Variants in STX8 observed in about 807,000 individuals in gnomAD.
STX8 encodes syntaxin-8.
Under a neutral mutation model 37.5 loss-of-function variants are expected in STX8, and 23 were observed. The observed-to-expected ratio is 0.61, with a 90% CI of 0.44 to 0.87. The LOEUF (loss-of-function observed/expected upper bound fraction) is 0.87. Ranked by LOEUF, STX8 falls within the 40% of genes least tolerant of loss-of-function variation. The pLI is 0.00. For synonymous variants in STX8, 115 were observed against 99.1 expected (o/e 1.16, Z -0.95); for missense variants, 313 against 284.7 (o/e 1.10, Z -0.71).
At chr17:9,530,153 C>CA (rs1216267247) in intron 4 of STX8, among the ~76,000 whole-genome samples, 3 of 151,404 alleles carry the variant, frequency 2.0e-5, no homozygotes, top group Non-Finnish European at 2.9e-5. Flanking sequence ...TAAAAAAATA[C>CA]AAAAAAAATT....
At chr17:9,479,006 G>A (rs370134206) in intron 6 of STX8, among the ~76,000 whole-genome samples, 8 of 152,096 alleles carry the variant, frequency 5.3e-5, no homozygotes, top group East Asian at 1.9e-4. Context: ...TCTCCCTCCC[G>A]ACACTAGAGT....
chr17:9,321,217 G>A (rs1909566119), intron 7 of STX8, among the ~76,000 whole-genome samples: 1 of 152,098 alleles, frequency 6.6e-6, no homozygotes, highest in South Asian at 2.1e-4. Context: ...GAAATCAATA[G>A]GTAATGTCTA....
intron 6 of STX8, among the ~76,000 whole-genome samples, chr17:9,466,784 A>C (rs537074407): frequency 2.8e-4 from 43 of 152,290 alleles, no homozygotes; most frequent in African/African-American, 9.9e-4. Flanking sequence ...ATCTCAATTC[A>C]ACCAACCTTC....
At chr17:9,362,352 A>G (rs1345182804) in intron 7 of STX8, among the ~76,000 whole-genome samples, 1 of 152,156 alleles carries the variant, frequency 6.6e-6, no homozygotes, top group African/African-American at 2.4e-5. Context: ...GTAATTAAAA[A>G]CAGCCCTAGA....
intron 5 of STX8, among the ~76,000 whole-genome samples, chr17:9,504,493 G>A (rs962246184): frequency 2.6e-5 from 4 of 152,082 alleles, no homozygotes; most frequent in Non-Finnish European, 4.4e-5. Flanking sequence ...AAATTTGCTT[G>A]GACTTAGATT....
intron 7 of STX8, among the ~76,000 whole-genome samples, chr17:9,275,001 T>G (rs1490410833): frequency 1.3e-5 from 2 of 152,052 alleles, no homozygotes; most frequent in Non-Finnish European, 2.9e-5. Context: ...TCCGCCCGCC[T>G]TGGCCTCCCA....
chr17:9,326,476 A>G (rs12939256), intron 7 of STX8, among the ~76,000 whole-genome samples: 23,694 of 151,978 alleles, frequency 0.16, 1,968 homozygotes, highest in Middle Eastern at 0.18. Context: ...TTGCTTTTCA[A>G]ATTACTCAGT....
chr17:9,343,611 G>A (rs1910443352), intron 7 of STX8, among the ~76,000 whole-genome samples: 1 of 152,122 alleles, frequency 6.6e-6, no homozygotes, highest in East Asian at 1.9e-4. Context: ...CCTGCCATCA[G>A]ATCAGGGAGG....
chr17:9,533,428 C>T (rs1299760138), intron 4 of STX8, among the ~76,000 whole-genome samples: 1 of 152,180 alleles, frequency 6.6e-6, no homozygotes, highest in Non-Finnish European at 1.5e-5. Context: ...GATCGTGCCA[C>T]TGCTCCAGCC....
chr17:9,322,698 T>C lies in STX8; in HGVS notation c.643+55854A>G, dbSNP rs187960312. 4.2e-4 allele frequency among the ~76,000 whole-genome samples: 64 copies of C among 151,914 alleles called. 1 individual carries two copies. In the East Asian group the frequency reaches 5.4e-3, roughly 13 times the overall value. On this transcript the variant is annotated intron_variant, in intron 7 of 7. Transcript: ENST00000306357. ...CCTTGTTTACGGCCTTAGTCTTATATTGTGAGCAGTGGAATGGACAGGCCA... is the reference window on the plus strand; with the variant it reads ...CCTTGTTTACGGCCTTAGTCTTATACTGTGAGCAGTGGAATGGACAGGCCA...
At chr17:9,564,811 A>G (rs374732305) in intron 2 of STX8, among the ~76,000 whole-genome samples, 267 of 152,372 alleles carry the variant, frequency 1.8e-3, no homozygotes, top group Non-Finnish European at 3.1e-3. Flanking sequence ...TGCCATTCCT[A>G]TTAAACTACC....
At chr17:9,317,748 A>C (rs978818310) in intron 7 of STX8, among the ~76,000 whole-genome samples, 5 of 150,842 alleles carry the variant, frequency 3.3e-5, no homozygotes, top group Non-Finnish European at 5.9e-5. Context: ...CCTGGGTGAC[A>C]GTGAGACTCT....
chr17:9,342,408 G>A (rs1485754305), intron 7 of STX8, among the ~76,000 whole-genome samples: 1 of 152,162 alleles, frequency 6.6e-6, no homozygotes, highest in East Asian at 1.9e-4. Context: ...TGATCCAGTG[G>A]GGGGCCCTTC....
intron 4 of STX8, among the ~76,000 whole-genome samples, chr17:9,511,387 A>C (rs1361837194): frequency 6.6e-6 from 1 of 152,174 alleles, no homozygotes; most frequent in African/African-American, 2.4e-5. Context: ...CCAACAATAC[A>C]TCAAAAAGAT....
At chr17:9,491,482 G>A (rs1443379789) in intron 6 of STX8, among the ~76,000 whole-genome samples, 1 of 152,164 alleles carries the variant, frequency 6.6e-6, no homozygotes, top group Non-Finnish European at 1.5e-5. Context: ...ACTCCACCGG[G>A]TGTGGGGATG....
At chr17:9,329,079 A>AAAAAAAAAAAT (rs1909877615) in intron 7 of STX8, among the ~76,000 whole-genome samples, 1 of 147,002 alleles carries the variant, frequency 6.8e-6, no homozygotes, top group African/African-American at 2.6e-5. Flanking sequence ...AAAAAAAAAA[A>AAAAAAAAAAAT]AAAAGATGGT....
intron 5 of STX8, among the ~76,000 whole-genome samples, chr17:9,502,302 G>GT (rs1904646330): frequency 1.3e-5 from 2 of 152,290 alleles, no homozygotes; most frequent in South Asian, 4.1e-4. Flanking sequence ...CAGCCCTGGG[G>GT]TTTGGGGGAG....
intron 7 of STX8, among the ~76,000 whole-genome samples, chr17:9,368,067 C>A (rs1911286099): frequency 6.6e-6 from 1 of 152,076 alleles, no homozygotes. Flanking sequence ...TTATCATAAT[C>A]TTGTAAAAAA....
At chr17:9,269,491 C>T (rs1383950345) in intron 7 of STX8, among the ~76,000 whole-genome samples, 1 of 152,152 alleles carries the variant, frequency 6.6e-6, no homozygotes, top group Non-Finnish European at 1.5e-5. Flanking sequence ...AAAATATCTG[C>T]CCTTCCAATG....
Sources: allele counts gnomAD v4.1 joint callset (sites outside exome capture counted in the v4.1 genomes callset), GRCh38; gene constraint gnomAD v4.1.1; transcripts MANE v1.5; gene names NCBI Gene and HGNC (gene_info 2026-07-23, HGNC 2026-07-21).